ABCC9: variants seen among roughly 807,000 people sequenced by gnomAD.
The protein encoded by ABCC9 is ATP binding cassette subfamily C member 9.
A neutral mutation model predicts 188.3 loss-of-function variants in ABCC9; 95 were observed. That is an observed-to-expected ratio of 0.50 (90% CI 0.43 to 0.60). The LOEUF (loss-of-function observed/expected upper bound fraction) is 0.60, where lower values mean the gene tolerates loss of function less well. Among genes scored for constraint, ABCC9 ranks in the 20% least tolerant of loss-of-function variants. ABCC9 has a pLI of 0.00. For missense variants in ABCC9, 1,102 were observed against 1,876.3 expected (o/e 0.59, Z 7.62); for synonymous variants, 659 against 652.7 (o/e 1.01, Z -0.15).
At chr12:21,914,950 G>C (rs1485165231) in intron 7 of ABCC9, among the ~76,000 whole-genome samples, 2 of 150,424 alleles carry the variant, frequency 1.3e-5, no homozygotes, top group African/African-American at 4.9e-5. Context: ...GCCCAGGCTG[G>C]AGTGCAATGG....
intron 7 of ABCC9, among the ~76,000 whole-genome samples, chr12:21,913,818 AG>A (rs1351397003): frequency 6.6e-6 from 1 of 152,166 alleles, no homozygotes; most frequent in African/African-American, 2.4e-5. Context: ...CATTGTGACA[AG>A]GAAGTCAACT....
At chr12:21,804,266 A>G (rs543733386) in intron 39 of ABCC9, among the ~76,000 whole-genome samples, 2 of 152,356 alleles carry the variant, frequency 1.3e-5, no homozygotes, top group South Asian at 4.1e-4. Context: ...TAGGAAACCT[A>G]ACATTTTGTT....
chr12:21,900,240 C>T (rs1468751625), intron 12 of ABCC9, among the ~76,000 whole-genome samples: 1 of 152,208 alleles, frequency 6.6e-6, no homozygotes, highest in Non-Finnish European at 1.5e-5. Flanking sequence ...AGACCTGCAG[C>T]TGAGGGTCCT....
chr12:21,878,223 G>C (rs115060179), intron 16 of ABCC9, among the ~76,000 whole-genome samples: 3,168 of 152,218 alleles, frequency 0.021, 117 homozygotes, highest in African/African-American at 0.072. Context: ...ATTTGTAAGT[G>C]CTAAAAGACT....
At chr12:21,843,900 A>G (rs945439336) in intron 28 of ABCC9, among the ~76,000 whole-genome samples, 2 of 152,238 alleles carry the variant, frequency 1.3e-5, no homozygotes, top group Non-Finnish European at 2.9e-5. Context: ...AGGGCTGGAT[A>G]TGATGAATTC....
At chr12:21,861,451 C>T (rs572773529) in intron 20 of ABCC9, among the ~76,000 whole-genome samples, 9 of 152,138 alleles carry the variant, frequency 5.9e-5, no homozygotes, top group Admixed American at 1.3e-4. Context: ...AGGGTGGTTT[C>T]GAACATCTGA....
chr12:21,872,778 G>A (rs1361803683), intron 17 of ABCC9, 48 bp from the exon 18 acceptor site: 1 of 1,357,904 alleles, frequency 7.4e-7, no homozygotes, highest in Non-Finnish European at 1.1e-6. Context: ...TGGATTCTTG[G>A]TGAAATAACA....
At position 21,910,142 on chromosome 12, in the gene ABCC9, T is replaced by C. The variant is rs1948248889; in HGVS notation, c.1320+15A>G. 6.2e-7 allele frequency: 1 copy of C among 1,603,924 alleles called. No homozygotes were observed. Among genetic ancestry groups the C allele is most frequent in the Non-Finnish European group, 8.5e-7 (1 of 1,171,668 alleles). Reference sequence around the variant, plus strand: ...CCTCTGCAGACAAAAATCTTACTTATATTTATCTACCTACCTGAACAGGCA... The same window carrying C: ...CCTCTGCAGACAAAAATCTTACTTACATTTATCTACCTACCTGAACAGGCA... On this transcript the variant is annotated intron_variant, in intron 10 of 39. Coordinates refer to ENST00000261200, the MANE Select transcript of ABCC9 (RefSeq NM_020297.4).
intron 12 of ABCC9, among the ~76,000 whole-genome samples, chr12:21,900,457 G>A (rs555300342): frequency 4.6e-5 from 7 of 152,326 alleles, no homozygotes; most frequent in Non-Finnish European, 7.4e-5. Context: ...AAAGCAGGAC[G>A]GAGAATGACT....
chr12:21,874,334 G>A (rs1037225989), intron 17 of ABCC9, among the ~76,000 whole-genome samples: 4 of 151,974 alleles, frequency 2.6e-5, no homozygotes, highest in African/African-American at 9.7e-5. Flanking sequence ...TAGGATGGCT[G>A]TAATAAAAAA....
intron 29 of ABCC9, among the ~76,000 whole-genome samples, chr12:21,839,431 C>A (rs539925201): frequency 6.6e-6 from 1 of 152,260 alleles, no homozygotes; most frequent in East Asian, 1.9e-4. Context: ...AGTTTGAATC[C>A]TTGCCTTCAT....
chr12:21,867,616 A>G (rs750350386), intron 18 of ABCC9, among the ~76,000 whole-genome samples: 7 of 152,174 alleles, frequency 4.6e-5, no homozygotes, highest in Non-Finnish European at 8.8e-5. Context: ...AACATGATAT[A>G]TTACATCTGA....
rs1051382560 is a variant in ABCC9, at chr12:21,865,971, C to T, written c.2199-1494G>A. On this transcript the variant is annotated intron_variant, in intron 18 of 39. Coordinates refer to ENST00000261200, the MANE Select transcript of ABCC9 (RefSeq NM_020297.4). ...GAACCAACAACCAAAAACAAAGAAG[C>T]AAAGAACCAGAGCACCAAGCCACTT... 2.0e-5 allele frequency among the ~76,000 whole-genome samples: 3 copies of T among 149,888 alleles called. No homozygotes were observed. The South Asian group carries it at 6.3e-4, about 32-fold the overall frequency.
intron 5 of ABCC9, among the ~76,000 whole-genome samples, chr12:21,917,375 G>C (rs1035829638): frequency 2.6e-5 from 4 of 152,160 alleles, no homozygotes; most frequent in African/African-American, 7.2e-5. Context: ...GGATAAACTA[G>C]ACTCTTCAAA....
At position 21,893,420 on chromosome 12, in the gene ABCC9, A is replaced by G. The variant is rs190517900; in HGVS notation, c.1802+612T>C. 4.6e-5 allele frequency among the ~76,000 whole-genome samples: 7 copies of G among 152,324 alleles called. No individual in the cohort carries two copies. In the East Asian group the frequency reaches 1.4e-3, roughly 29 times the overall value. On this transcript the variant is annotated intron_variant, in intron 14 of 39. Transcript: ENST00000261200. ...AACATTCTCTGTCACTATTGTTGCC[A>G]ATATAAACTGGCACAGCTTTAGTGG...
intron 24 of ABCC9, among the ~76,000 whole-genome samples, chr12:21,851,281 T>C (rs1038061236): frequency 2.6e-5 from 4 of 152,180 alleles, no homozygotes; most frequent in African/African-American, 4.8e-5. Context: ...TCCTCTTTTG[T>C]TGTACTCAAT....
At chr12:21,811,919 G>T (rs2137147387) in intron 36 of ABCC9, 130 bp downstream of exon 36, 1 of 699,540 alleles carries the variant, frequency 1.4e-6, no homozygotes, top group Middle Eastern at 2.4e-4. Context: ...CAAATTGTTG[G>T]ATGGTATATT....
rs72640129 is a variant in ABCC9 at position 21,825,164 on chromosome 12, G to A, written c.3669+3794C>T. ...AACAACAGATGCTAGAGACGATGTG[G>A]AGAAATAGGAACGCTTTTACACTGT... is the stretch of plus-strand genomic sequence containing the variant. On this transcript the variant is annotated intron_variant, in intron 31 of 39. Coordinates refer to ENST00000261200, the MANE Select transcript of ABCC9 (RefSeq NM_020297.4). Among the ~76,000 whole-genome samples the A allele has an allele frequency of 4.5e-3, 679 of 152,312 alleles. 14 individuals carry two copies. The East Asian group carries it at 0.048, about 11-fold the overall frequency.
chr12:21,917,674 T>C (rs1948655848), intron 5 of ABCC9, among the ~76,000 whole-genome samples: 1 of 152,150 alleles, frequency 6.6e-6, no homozygotes. Flanking sequence ...CAAAGAACAA[T>C]GGTCTTATAG....
Sources: gnomAD v4.1 joint callset for allele counts (sites outside exome capture counted in the v4.1 genomes callset) on GRCh38, gnomAD v4.1.1 for gene constraint, MANE v1.5 for transcripts, NCBI Gene and HGNC (gene_info 2026-07-23, HGNC 2026-07-21) for gene names.